STRIP2: variants seen among roughly 807,000 people sequenced by gnomAD.
STRIP2 encodes the protein striatin-interacting protein 2.
A neutral mutation model predicts 107.1 loss-of-function variants in STRIP2; 84 were observed. The observed-to-expected ratio is 0.78, with a 90% confidence interval of 0.66 to 0.94. STRIP2 has a LOEUF of 0.94. Ranked by LOEUF, STRIP2 falls within the 40% of genes least tolerant of loss-of-function variation. The pLI is 0.00. For synonymous variants in STRIP2, 394 were observed against 400.4 expected (o/e 0.98, Z 0.19); for missense variants, 888 against 1,034.2 (o/e 0.86, Z 1.94).
intron 1 of STRIP2, among the ~76,000 whole-genome samples, chr7:129,438,027 G>A (rs976446547): frequency 6.6e-6 from 1 of 152,072 alleles, no homozygotes; most frequent in East Asian, 1.9e-4. Flanking sequence ...GGATGGTCTC[G>A]ATCTCCTGAC....
intron 1 of STRIP2, among the ~76,000 whole-genome samples, chr7:129,435,779 A>G (rs959311511): frequency 1.9e-4 from 29 of 151,962 alleles, no homozygotes; most frequent in African/African-American, 6.6e-4. Flanking sequence ...TGCTATCATC[A>G]TCATCATCAT....
intron 19 of STRIP2, among the ~76,000 whole-genome samples, chr7:129,482,499 T>G (rs753690294): frequency 6.6e-6 from 1 of 150,832 alleles, no homozygotes; most frequent in Non-Finnish European, 1.5e-5. Flanking sequence ...TGCCTCAGCC[T>G]CCTTAGTAGC....
rs113222133 is a variant in STRIP2, at chr7:129,441,792, C to T, written c.199+1701C>T. Among the ~76,000 whole-genome samples the T allele has an allele frequency of 6.7e-3, 1,023 of 152,184 alleles. 13 individuals are homozygous for T. The highest frequency in any genetic ancestry group is 0.024 in the African/African-American group (988 of 41,524). ...ACCATGTCCAGCTAATTTTGTTTAT[C>T]TTTTGTAGAAACAGAGTCTCACCAT... is the stretch of plus-strand genomic sequence containing the variant. On this transcript the variant is annotated intron_variant, in intron 2 of 20. Coordinates refer to ENST00000249344, the MANE Select transcript of STRIP2 (RefSeq NM_020704.3).
Position 129,458,349 on chromosome 7 carries a change from G to C in STRIP2, c.1173G>C (p.Leu391=). Residue 391 remains leucine (L), a synonymous_variant, in exon 10 of 21, where the codon CTG becomes CTC. Transcript: ENST00000249344. This position sits in a 1 kb window ranked among gnomAD's most constrained non-coding sequence, Gnocchi z 4.6. ...GERTLDGELD[L]LEQDPLVPPP... is the part of the protein sequence containing the mutation. ...GAACCTTGGATGGAGAGCTAGACCT[G>C]CTAGAGCAGGACCCTCTGGTGCCAC... 1 of 1,614,156 alleles carries C rather than the reference G, an allele frequency of 6.2e-7. No individual in the cohort carries two copies. Among genetic ancestry groups the C allele is most frequent in the South Asian group, 1.1e-5 (1 of 91,078 alleles).
chr7:129,458,157 G>A lies in STRIP2; in HGVS notation c.1039-58G>A. On this transcript the variant is annotated intron_variant, in intron 9 of 20. Coordinates refer to ENST00000249344, the MANE Select transcript of STRIP2 (RefSeq NM_020704.3). The surrounding 1 kb of genome is among the most constrained non-coding windows in gnomAD (Gnocchi z 4.6). ...GGCCTGTGGATATGGGGTGGCCTCA[G>A]ACAAGGATGCCCAGAGTGAGATCTC... 1 of 1,407,338 alleles carries A rather than the reference G, an allele frequency of 7.1e-7. No homozygotes were observed. Among genetic ancestry groups the A allele is most frequent in the Non-Finnish European group, 1.0e-6 (1 of 998,594 alleles). 87.2% of individuals were successfully genotyped at this position (1,407,338 alleles called of 1,614,324 possible).
rs76692528 is a variant in STRIP2 at position 129,466,623 on chromosome 7, G to T, written c.1777-727G>T. On this transcript the variant is annotated intron_variant, in intron 16 of 20. Transcript: ENST00000249344. The stretch of plus-strand genomic sequence containing the variant: ...CATGACACTGCTCTTATGGCCACCT[G>T]TCCCACTGGGTTGTCCTATATACAG... Among the ~76,000 whole-genome samples the T allele has an allele frequency of 6.0e-3, 913 of 152,274 alleles. 7 individuals are homozygous for T. The highest frequency in any genetic ancestry group is 9.4e-3 in the South Asian group (45 of 4,808).
Position 129,437,930 on chromosome 7 carries a change from C to T in STRIP2, c.130-2092C>T, listed in dbSNP as rs189524859. Among the ~76,000 whole-genome samples, 1,020 of 152,036 alleles carry T rather than the reference C, an allele frequency of 6.7e-3. 13 individuals are homozygous for T. The highest frequency in any genetic ancestry group is 0.024 in the African/African-American group (985 of 41,472). On this transcript the variant is annotated intron_variant, in intron 1 of 20. Transcript: ENST00000249344. ...ACGCCATTCTCCTGCCTCAGCCTCC[C>T]GAGTAGCTGGGACTACAGGCGTCCG...
chr7:129,465,587 G>A (rs766587543), intron 16 of STRIP2, among the ~76,000 whole-genome samples: 2 of 152,144 alleles, frequency 1.3e-5, no homozygotes. Context: ...TGTTAAGTTT[G>A]TCTAGGCCCT....
Position 129,459,897 on chromosome 7 carries a change from G to A in STRIP2, c.1404+317G>A, listed in dbSNP as rs143367147. Among the ~76,000 whole-genome samples the A allele has an allele frequency of 6.0e-3, 905 of 151,736 alleles. 9 individuals carry two copies. Among genetic ancestry groups the A allele is most frequent in the African/African-American group, 0.021 (861 of 41,300 alleles). On this transcript the variant is annotated intron_variant, in intron 12 of 20. Transcript: ENST00000249344. ...GTCCATAAGTCTACTAACTTCCAAA[G>A]GCCCAGGATTGAGTAGGAGCCTGCT...
Position 129,458,553 on chromosome 7 carries a change from C to G in STRIP2, c.1274+103C>G. The G allele has an allele frequency of 2.4e-6, 3 of 1,240,384 alleles. No individual in the cohort carries two copies. The highest frequency in any genetic ancestry group is 2.2e-5 in the Admixed American group (1 of 44,612). 76.8% of individuals were successfully genotyped at this position (1,240,384 alleles called of 1,614,324 possible). On this transcript the variant is annotated intron_variant, in intron 10 of 20. Coordinates refer to ENST00000249344, the MANE Select transcript of STRIP2 (RefSeq NM_020704.3). This position sits in a 1 kb window ranked among gnomAD's most constrained non-coding sequence, Gnocchi z 4.6. ...TTCAAGGCTCGTTAAGTTGGTCTGG[C>G]AGTCAGAACTCCTGGGTTTGAAATT...
At chr7:129,449,492 T>A (rs772592560) in intron 3 of STRIP2, among the ~76,000 whole-genome samples, 1 of 152,144 alleles carries the variant, frequency 6.6e-6, no homozygotes, top group African/African-American at 2.4e-5. Flanking sequence ...AGGGTTTATC[T>A]CCTCAGACAA....
chr7:129,437,830 G>A (rs1203007895), intron 1 of STRIP2, among the ~76,000 whole-genome samples: 1 of 136,226 alleles, frequency 7.3e-6, no homozygotes, highest in African/African-American at 2.8e-5. Flanking sequence ...TTTTTTGACA[G>A]AGTCTCACTC....
chr7:129,450,534 G>A (rs1293743010), intron 3 of STRIP2, among the ~76,000 whole-genome samples: 1 of 152,192 alleles, frequency 6.6e-6, no homozygotes, highest in Non-Finnish European at 1.5e-5. Context: ...CTTGGTCAGT[G>A]GCAATTCAAT....
chr7:129,464,621 T>A lies in STRIP2; in HGVS notation c.1659T>A (p.Val553=). Residue 553 remains valine, a synonymous_variant, in exon 16 of 21, where the codon GTT becomes GTA. Coordinates refer to ENST00000249344, the MANE Select transcript of STRIP2 (RefSeq NM_020704.3). ...DVLPEEMPIT[V]LQSMKLGIDV... Reference sequence around the variant, plus strand: ...TCTCTCCCCATTGTAGCATCACTGTTCTCCAGAGCATGAAGCTGGGCATCG... The same window carrying A: ...TCTCTCCCCATTGTAGCATCACTGTACTCCAGAGCATGAAGCTGGGCATCG... 1 of 1,613,964 alleles carries A rather than the reference T, an allele frequency of 6.2e-7. No homozygotes were observed. The highest frequency in any genetic ancestry group is 8.5e-7 in the Non-Finnish European group (1 of 1,179,978).
At chr7:129,465,662 G>A (rs1470678411) in intron 16 of STRIP2, among the ~76,000 whole-genome samples, 3 of 152,104 alleles carry the variant, frequency 2.0e-5, no homozygotes, top group Non-Finnish European at 2.9e-5. Context: ...TGATGAAATC[G>A]AAGCTAAGAA....
In STRIP2 at chr7:129,461,202, G is replaced by A. The variant is rs933842123; in HGVS notation, c.1476+830G>A. Among the ~76,000 whole-genome samples the A allele has an allele frequency of 2.0e-5, 3 of 152,188 alleles. No individual in the cohort carries two copies. Among genetic ancestry groups the A allele is most frequent in the African/African-American group, 7.2e-5 (3 of 41,422 alleles). ...GAATAAGTACCATTTGCCAGGATGT[G>A]GGGGGAATATCAAGAGTTCTGTTTT... On this transcript the variant is annotated intron_variant, in intron 13 of 20. Coordinates refer to ENST00000249344, the MANE Select transcript of STRIP2 (RefSeq NM_020704.3). The surrounding 1 kb of genome is among the most constrained non-coding windows in gnomAD (Gnocchi z 4.0).
Position 129,469,083 on chromosome 7 carries a change from A to G in STRIP2, c.1878-1566A>G, listed in dbSNP as rs995656524. ...TCCAGATTCCCTGGGTTAGAGGTTC[A>G]CTCCTAGATCAACTGTGGCTAGGGG... On this transcript the variant is annotated intron_variant, in intron 17 of 20. Coordinates refer to ENST00000249344, the MANE Select transcript of STRIP2 (RefSeq NM_020704.3). Among the ~76,000 whole-genome samples, 8 of 152,098 alleles carry G rather than the reference A, an allele frequency of 5.3e-5. No individual in the cohort carries two copies. In the South Asian group the frequency reaches 1.2e-3, roughly 24 times the overall value.
In STRIP2 at chr7:129,463,935, T is replaced by TA. The variant is rs1412984027; in HGVS notation, c.1552-108dup. ...AGATATGGTCATTGAGGGAAGAACT[T>TA]ACAGAATGGCTTTAAAACACTTTTT... On this transcript the variant is annotated intron_variant, in intron 14 of 20. Coordinates refer to ENST00000249344, the MANE Select transcript of STRIP2 (RefSeq NM_020704.3). 1.3e-5 allele frequency: 10 copies of TA among 794,520 alleles called. No homozygotes were observed. The African/African-American group carries it at 1.7e-4, about 14-fold the overall frequency. The allele number at this position is 794,520 out of a possible 1,614,324, so 49.2% of individuals were successfully genotyped here. A position where few individuals can be genotyped will look rare whatever the true frequency, so the allele number is the denominator to read the frequency against.
rs775627580 is a variant in STRIP2, at chr7:129,455,333, A to G, written c.796A>G (p.Ile266Val). The G allele has an allele frequency of 7.8e-5, 126 of 1,613,842 alleles. No homozygotes were observed. Among genetic ancestry groups the G allele is most frequent in the Non-Finnish European group, 1.0e-4 (119 of 1,179,884 alleles). The change falls in exon 8 of 21, where the codon ATA becomes GTA. Residue 266 changes from isoleucine (I) to valine (V), a missense_variant. Coordinates refer to ENST00000249344, the MANE Select transcript of STRIP2 (RefSeq NM_020704.3). ...CAGTGGCCTGGCTCCTCACTTCCCC[A>G]TAAAGAAGGTCCTGCTCCTGCTCTG... Reference protein sequence around the residue: ...FCSGLAPHFPIKKVLLLLWKV... With the variant: ...FCSGLAPHFPVKKVLLLLWKV...
Sources: gnomAD v4.1 joint callset for allele counts (sites outside exome capture counted in the v4.1 genomes callset) on GRCh38, gnomAD v4.1.1 for gene constraint, Gnocchi (gnomAD v3.1) non-coding constraint, MANE v1.5 for transcripts, NCBI Gene and HGNC (gene_info 2026-07-23, HGNC 2026-07-21) for gene names.